Variants in MDN1 observed in about 807,000 individuals in gnomAD.
MDN1 encodes midasin.
A neutral mutation model predicts 669.2 loss-of-function variants in MDN1; 266 were observed. That is an observed-to-expected ratio of 0.40 (90% CI 0.36 to 0.44). The LOEUF (loss-of-function observed/expected upper bound fraction) is 0.44, where lower values mean the gene tolerates loss of function less well. Among genes scored for constraint, MDN1 ranks in the 20% least tolerant of loss-of-function variants. The pLI, the probability that MDN1 is intolerant of heterozygous loss-of-function variation, is 1.00. For missense variants in MDN1, 5,940 were observed against 6,754.0 expected (o/e 0.88, Z 4.22); for synonymous variants, 2,385 against 2,457.1 (o/e 0.97, Z 0.87).
At chr6:89,785,845 T>C (rs562179851) in intron 8 of MDN1, among the ~76,000 whole-genome samples, 1 of 152,282 alleles carries the variant, frequency 6.6e-6, no homozygotes, top group South Asian at 2.1e-4. Context: ...ACTATCTCTA[T>C]AAATAAAATC....
chr6:89,729,622 G>A (rs1310602659), intron 35 of MDN1, among the ~76,000 whole-genome samples: 2 of 143,374 alleles, frequency 1.4e-5, no homozygotes, highest in African/African-American at 5.1e-5. Flanking sequence ...TAACAGTCTT[G>A]TAATATTTAA....
At chr6:89,757,762 G>A (rs1562187328) in intron 19 of MDN1, among the ~76,000 whole-genome samples, 1 of 151,974 alleles carries the variant, frequency 6.6e-6, no homozygotes, top group East Asian at 1.9e-4. Context: ...ACAAAAACTT[G>A]AGGCCGGGCG....
Position 89,729,157 on chromosome 6 carries a change from A to G in MDN1, c.5141-18T>C, listed in dbSNP as rs777663668. 3 of 1,596,984 alleles carry G rather than the reference A, an allele frequency of 1.9e-6. No homozygotes were observed. The highest frequency in any genetic ancestry group is 2.7e-5 in the African/African-American group (2 of 74,720). Reference sequence around the variant, plus strand: ...GACAGGTCCTTAAGTGGAGAAAAGTAAAGTCATGTATAAGCGGGACATCAT... The same window carrying G: ...GACAGGTCCTTAAGTGGAGAAAAGTGAAGTCATGTATAAGCGGGACATCAT... On this transcript the variant is annotated intron_variant, in intron 35 of 101. Transcript: ENST00000369393.
intron 8 of MDN1, among the ~76,000 whole-genome samples, chr6:89,787,580 A>G (rs1020122638): frequency 6.6e-6 from 1 of 152,090 alleles, no homozygotes; most frequent in African/African-American, 2.4e-5. Flanking sequence ...GGGCTATCTA[A>G]CAATAACCTC....
At position 89,643,313 on chromosome 6, in the gene MDN1, CAT is replaced by C. The variant is rs1474406148; in HGVS notation, c.*690_*691del. 1.3e-5 allele frequency: 2 copies of C among 152,168 alleles called. No homozygotes were observed. The highest frequency in any genetic ancestry group is 4.8e-5 in the African/African-American group (2 of 41,436). 9.4% of individuals were successfully genotyped at this position (152,168 alleles called of 1,614,324 possible). A position where few individuals can be genotyped will look rare whatever the true frequency, so the allele number is the denominator to read the frequency against. On this transcript the variant is annotated 3_prime_UTR_variant, in exon 102 of 102. Coordinates refer to ENST00000369393, the MANE Select transcript of MDN1 (RefSeq NM_014611.3). The stretch of plus-strand genomic sequence containing the variant: ...AGGGGCAATCACCTTCCCATCATTG[CAT>C]AGTCTCCCGAAGCAGCAAGTGTGAA...
chr6:89,662,303 T>C (rs1206670977), intron 86 of MDN1, 64 bp from the exon 87 acceptor site: 34 of 1,533,626 alleles, frequency 2.2e-5, no homozygotes, highest in South Asian at 3.7e-5. Context: ...TCTGCATGGG[T>C]TGACTTTTAG....
rs7682 is a variant in MDN1 at position 89,643,143 on chromosome 6, G to A, written c.*862C>T. On this transcript the variant is annotated 3_prime_UTR_variant, in exon 102 of 102. Transcript: ENST00000369393. ...GGAGCTGCTGAGTTCTGGACACAGC[G>A]TTTCTTTCCCAGAATGAGACTGGCT... The A allele has an allele frequency of 0.11, 16,658 of 152,064 alleles. 1,024 individuals are homozygous for A. The highest frequency in any genetic ancestry group is 0.15 in the South Asian group (745 of 4,818). The allele number at this position is 152,064 out of a possible 1,614,324, so 9.4% of individuals were successfully genotyped here. A position where few individuals can be genotyped will look rare whatever the true frequency, so the allele number is the denominator to read the frequency against.
intron 8 of MDN1, among the ~76,000 whole-genome samples, chr6:89,786,100 A>G (rs1401339694): frequency 6.6e-6 from 1 of 152,098 alleles, no homozygotes; most frequent in Non-Finnish European, 1.5e-5. Context: ...CATCTCTATT[A>G]GAAACACAAA....
At chr6:89,686,148 G>A (rs966057864) in intron 69 of MDN1, among the ~76,000 whole-genome samples, 175 bp from the exon 70 acceptor site, 84 of 152,318 alleles carry the variant, frequency 5.5e-4, no homozygotes, top group African/African-American at 1.7e-3. Context: ...GTAACAGGCC[G>A]GTGTGGTGGC....
At chr6:89,790,763 G>T (rs1166075271) in intron 5 of MDN1, among the ~76,000 whole-genome samples, 1 of 152,212 alleles carries the variant, frequency 6.6e-6, no homozygotes, top group Non-Finnish European at 1.5e-5. Flanking sequence ...GCTCAAGCCT[G>T]TAATACCAGC....
At position 89,718,833 on chromosome 6, in the gene MDN1, G is replaced by T. The variant is rs1331403262; in HGVS notation, c.6255C>A (p.His2085Gln). 6.2e-7 allele frequency: 1 copy of T among 1,614,200 alleles called. No homozygotes were observed. Among genetic ancestry groups the T allele is most frequent in the South Asian group, 1.1e-5 (1 of 91,086 alleles). ...LVQLLAHLTG[H>Q]TLKIMAMNSA... ...TGTTCATAGCCATGATCTTTAATGTGTGGCCAGTAAGGTGTGCCAGAAGCT... is the reference window on the plus strand; with the variant it reads ...TGTTCATAGCCATGATCTTTAATGTTTGGCCAGTAAGGTGTGCCAGAAGCT... Residue 2085 changes from histidine (H) to glutamine (Q), a missense_variant, in exon 42 of 102, where the codon CAC becomes CAA. Physicochemically the swap from His to Gln is conservative, Grantham distance 24. Transcript: ENST00000369393.
intron 88 of MDN1, among the ~76,000 whole-genome samples, chr6:89,661,018 A>G (rs1017551241): frequency 2.0e-5 from 3 of 152,212 alleles, no homozygotes; most frequent in Admixed American, 6.5e-5. Context: ...CTCACTACAC[A>G]TGACAATCAA....
At position 89,694,092 on chromosome 6, in the gene MDN1, T is replaced by G. The variant is rs1437055539; in HGVS notation, c.9863A>C (p.Tyr3288Ser). ...GTGTTACCTGACGTGAGGATGAGAG[T>G]AGCTGACAACGACTTCATCTTCCAG... ...RDLEDEVVVS[Y>S]SHPHVRLLRQ... The change falls in exon 62 of 102, where the codon TAC becomes TCC. Residue 3288 changes from tyrosine to serine, a missense_variant. Tyr to Ser is a moderately radical substitution (Grantham distance 144). Around this residue, in one of 5 missense-constraint regions of MDN1, gnomAD observed 150 missense variants for 234.2 expected, o/e 0.64. Transcript: ENST00000369393. 6.2e-7 allele frequency: 1 copy of G among 1,613,900 alleles called. No homozygotes were observed. Among genetic ancestry groups the G allele is most frequent in the East Asian group, 2.2e-5 (1 of 44,896 alleles).
intron 83 of MDN1, among the ~76,000 whole-genome samples, chr6:89,670,164 A>ATTTTTTTTTTTTT (rs1234314950): frequency 5.5e-5 from 1 of 18,272 alleles, no homozygotes; most frequent in Non-Finnish European, 8.8e-5. Context: ...ATATATATAT[A>ATTTTTTTTTTTTT]TATATATTTT....
intron 53 of MDN1, among the ~76,000 whole-genome samples, chr6:89,705,690 C>T (rs1374603437): frequency 6.6e-6 from 1 of 151,912 alleles, no homozygotes; most frequent in African/African-American, 2.4e-5. Flanking sequence ...ACAACTGATC[C>T]ACAGTAAGAG....
chr6:89,750,306 T>C (rs775298973), intron 24 of MDN1, 48 bp downstream of exon 24: 3 of 1,510,572 alleles, frequency 2.0e-6, no homozygotes, highest in East Asian at 4.6e-5. Context: ...AGGAAATGTG[T>C]GTGAAAGAAT....
chr6:89,713,806 T>G (rs556146333), intron 46 of MDN1, among the ~76,000 whole-genome samples: 1 of 152,164 alleles, frequency 6.6e-6, no homozygotes, highest in African/African-American at 2.4e-5. Flanking sequence ...CCCAGCACTT[T>G]GGGAGGCCTA....
chr6:89,718,666 G>A (rs371709586), intron 42 of MDN1, 39 bp from the exon 43 acceptor site: 30 of 1,609,040 alleles, frequency 1.9e-5, no homozygotes, highest in Non-Finnish European at 2.4e-5. Context: ...CATAGGGTCA[G>A]AGAATACTGT....
intron 34 of MDN1, among the ~76,000 whole-genome samples, chr6:89,731,433 T>C (rs1216221580): frequency 6.6e-6 from 1 of 152,032 alleles, no homozygotes; most frequent in Non-Finnish European, 1.5e-5. Context: ...TACGCAGCCA[T>C]AAAAAATAAG....
Sources: allele counts gnomAD v4.1 joint callset (sites outside exome capture counted in the v4.1 genomes callset), GRCh38; gene constraint gnomAD v4.1.1; regional missense constraint gnomAD v4.1.1; transcripts MANE v1.5; gene names NCBI Gene and HGNC (gene_info 2026-07-23, HGNC 2026-07-21).